Variants in CNKSR2 observed in about 807,000 individuals in gnomAD.
The protein encoded by CNKSR2 is connector enhancer of kinase suppressor of Ras 2.
A neutral mutation model predicts 84.4 loss-of-function variants in CNKSR2; 14 were observed. The ratio of observed to expected loss-of-function variants is 0.17; its 90% CI spans 0.11 to 0.26. The LOEUF (loss-of-function observed/expected upper bound fraction) is 0.26. Among genes scored for constraint, CNKSR2 ranks in the 10% least tolerant of loss-of-function variants. The pLI is 1.00. For missense variants in CNKSR2, 485 were observed against 771.2 expected (o/e 0.63, Z 4.40); for synonymous variants, 275 against 277.9 (o/e 0.99, Z 0.10).
intron 20 of CNKSR2, among the ~76,000 whole-genome samples, chrX:21,617,360 C>T (rs754709094): frequency 1.0e-3 from 112 of 111,519 alleles, no homozygotes; most frequent in Non-Finnish European, 1.8e-3. Flanking sequence ...CAATTTACCT[C>T]CTATGGTTGG....
At chrX:21,581,885 G>C (rs755687277) in intron 13 of CNKSR2, among the ~76,000 whole-genome samples, 48 of 111,920 alleles carry the variant, frequency 4.3e-4, no homozygotes, top group Admixed American at 1.1e-3. Flanking sequence ...AAAGCATTGC[G>C]TAGTATTGAG....
At chrX:21,384,603 G>T (rs1351716748) in intron 1 of CNKSR2, among the ~76,000 whole-genome samples, 1 of 111,788 alleles carries the variant, frequency 8.9e-6, no homozygotes, top group East Asian at 2.8e-4. Flanking sequence ...AATATGTGAA[G>T]GAAAGGTTTG....
intron 5 of CNKSR2, 55 bp from the exon 6 acceptor site, chrX:21,490,404 A>G (rs1248269520): frequency 3.6e-6 from 4 of 1,121,012 alleles, no homozygotes; most frequent in Non-Finnish European, 4.8e-6. Context: ...AAGGTGATTT[A>G]TATGTTACTT....
At chrX:21,532,216 A>T in intron 11 of CNKSR2, 149 bp downstream of exon 11, 1 of 371,240 alleles carries the variant, frequency 2.7e-6, no homozygotes. Flanking sequence ...TTCTAAGTGG[A>T]ATTTCTACAA....
Position 21,513,816 on chromosome X carries a change from T to G in CNKSR2, c.811-2669T>G, listed in dbSNP as rs751201600. ...TGTTGCCTTTCTGGTTCTGCAGTTTTGGTGGAAATTTTCCATCCATAACAA... is the reference window on the plus strand; with the variant it reads ...TGTTGCCTTTCTGGTTCTGCAGTTTGGGTGGAAATTTTCCATCCATAACAA... On this transcript the variant is annotated intron_variant, in intron 8 of 21. Coordinates refer to ENST00000379510, the MANE Select transcript of CNKSR2 (RefSeq NM_014927.5). 4.5e-5 allele frequency among the ~76,000 whole-genome samples: 5 copies of G among 112,294 alleles called. No homozygotes were observed. The South Asian group carries it at 1.8e-3, about 41-fold the overall frequency.
intron 20 of CNKSR2, among the ~76,000 whole-genome samples, chrX:21,623,091 G>A (rs933230663): frequency 4.5e-5 from 5 of 111,055 alleles, no homozygotes. Flanking sequence ...GAGTACCATA[G>A]ATTTCTAATA....
intron 13 of CNKSR2, 68 bp downstream of exon 13, chrX:21,563,520 T>A: frequency 1.2e-6 from 1 of 827,470 alleles, no homozygotes; most frequent in Non-Finnish European, 1.7e-6. Context: ...CTCTTTTGGG[T>A]AAAGTCTAGG....
At chrX:21,530,487 T>C (rs2091875731) in intron 10 of CNKSR2, among the ~76,000 whole-genome samples, 1 of 111,576 alleles carries the variant, frequency 9.0e-6, no homozygotes, top group Non-Finnish European at 1.9e-5. Flanking sequence ...CATCACCATT[T>C]TATAAGGTAT....
rs763553617 is a variant in CNKSR2, at chrX:21,550,539, G to C, written c.1304-10932G>C. On this transcript the variant is annotated intron_variant, in intron 11 of 21. Transcript: ENST00000379510. Reference sequence around the variant, plus strand: ...CCTCAAGGATCTAGAACCAGAAATAGCATTTGACCCAGCAATCCCATTACT... The same window carrying C: ...CCTCAAGGATCTAGAACCAGAAATACCATTTGACCCAGCAATCCCATTACT... 7.9e-4 allele frequency among the ~76,000 whole-genome samples: 89 copies of C among 112,020 alleles called. No individual in the cohort carries two copies. The Middle Eastern group carries it at 0.014, about 17-fold the overall frequency.
At chrX:21,433,540 G>A (rs1358858840) in intron 3 of CNKSR2, among the ~76,000 whole-genome samples, 1 of 109,676 alleles carries the variant, frequency 9.1e-6, no homozygotes, top group African/African-American at 3.3e-5. Context: ...ATGTTTAATG[G>A]CTTAATAATC....
In CNKSR2 at chrX:21,531,836, TTACTC is replaced by T. The variant is rs2091889001; in HGVS notation, c.1092-17_1092-13del. The T allele has an allele frequency of 1.8e-6, 2 of 1,129,531 alleles. No individual in the cohort carries two copies. Among genetic ancestry groups the T allele is most frequent in the Non-Finnish European group, 1.2e-6 (1 of 826,440 alleles). 93.1% of individuals were successfully genotyped at this position (1,129,531 alleles called of 1,213,427 possible). A position where few individuals can be genotyped will look rare whatever the true frequency, so the allele number is the denominator to read the frequency against. The stretch of plus-strand genomic sequence containing the variant: ...CTAACATGTTTCTACATCTTCTCCT[TTACTC>T]TAACCTTTCTTTAGGGATGAAAAAG... On this transcript the variant is annotated splice_polypyrimidine_tract_variant and intron_variant, in intron 10 of 21. Transcript: ENST00000379510.
At chrX:21,504,545 A>AT in intron 8 of CNKSR2, 1 of 208,458 alleles carries the variant, frequency 4.8e-6, no homozygotes, top group Non-Finnish European at 8.7e-6. Context: ...AAAATCTGAT[A>AT]TTTTTCTTTA....
At chrX:21,536,472 A>G (rs1186519871) in intron 11 of CNKSR2, among the ~76,000 whole-genome samples, 5 of 110,973 alleles carry the variant, frequency 4.5e-5, no homozygotes, top group African/African-American at 9.8e-5. Flanking sequence ...GAATTCAGCA[A>G]TGAAGCCAGC....
Position 21,609,121 on chromosome X carries a change from C to T in CNKSR2, c.2196C>T (p.Ser732=). The change falls in exon 20 of 22, where the codon TCC becomes TCT. Residue 732 remains serine (S), a synonymous_variant. Coordinates refer to ENST00000379510, the MANE Select transcript of CNKSR2 (RefSeq NM_014927.5). ...AAGCAAAACATAGCCGACTTTCCTC[C>T]ACGGAGACTTCTCAGTCTCAGTCTT... ...YVEAKHSRLS[S]TETSQSQSSH... is the part of the protein sequence containing the mutation. 1 of 1,211,013 alleles carries T rather than the reference C, an allele frequency of 8.3e-7. No individual in the cohort carries two copies. Among genetic ancestry groups the T allele is most frequent in the Non-Finnish European group, 1.1e-6 (1 of 895,071 alleles).
intron 1 of CNKSR2, among the ~76,000 whole-genome samples, chrX:21,408,274 G>C (rs1055245419): frequency 1.1e-4 from 12 of 111,765 alleles, no homozygotes; most frequent in African/African-American, 3.6e-4. Context: ...GGCTACTCAG[G>C]ATGACTCTCA....
chrX:21,651,780 C>T (rs1158879460), intron 21 of CNKSR2, among the ~76,000 whole-genome samples: 1 of 111,802 alleles, frequency 8.9e-6, no homozygotes, highest in Non-Finnish European at 1.9e-5. Context: ...GCCCCCAGTG[C>T]TACAGAAAGG....
intron 4 of CNKSR2, among the ~76,000 whole-genome samples, chrX:21,442,721 A>G (rs1450124538): frequency 8.9e-6 from 1 of 111,821 alleles, no homozygotes; most frequent in African/African-American, 3.2e-5. Flanking sequence ...AATGAGATTT[A>G]TTTAAAAATA....
intron 3 of CNKSR2, among the ~76,000 whole-genome samples, chrX:21,438,338 A>G (rs139633175): frequency 2.2e-3 from 247 of 111,990 alleles, no homozygotes; most frequent in African/African-American, 7.3e-3. Flanking sequence ...ATCTTATGGG[A>G]CCATTGTGGT....
chrX:21,413,939 C>A (rs2090380283), intron 1 of CNKSR2, among the ~76,000 whole-genome samples: 2 of 110,586 alleles, frequency 1.8e-5, no homozygotes, highest in South Asian at 7.7e-4. Flanking sequence ...TATCAAAATA[C>A]CAATGACATT....
Sources: gnomAD v4.1 joint callset for allele counts (sites outside exome capture counted in the v4.1 genomes callset) on GRCh38, gnomAD v4.1.1 for gene constraint, MANE v1.5 for transcripts, NCBI Gene and HGNC (gene_info 2026-07-23, HGNC 2026-07-21) for gene names.